Variants in ZNF407 observed in about 807,000 individuals in gnomAD.
The protein encoded by ZNF407 is zinc finger protein 407.
ZNF407 carries 17 observed loss-of-function variants against 131.2 expected under a neutral mutation model. The observed-to-expected ratio is 0.13, with a 90% confidence interval of 0.09 to 0.19. The LOEUF is 0.19. Ranked by LOEUF, ZNF407 falls within the 10% of genes least tolerant of loss-of-function variation. The pLI, the probability that ZNF407 is intolerant of heterozygous loss-of-function variation, is 1.00. For synonymous variants in ZNF407, 1,156 were observed against 1,062.0 expected (o/e 1.09, Z -1.72); for missense variants, 2,681 against 2,830.6 (o/e 0.95, Z 1.20).
intron 1 of ZNF407, among the ~76,000 whole-genome samples, chr18:74,625,415 C>T (rs1019636832): frequency 2.0e-5 from 3 of 151,842 alleles, no homozygotes; most frequent in East Asian, 3.9e-4. Context: ...TGTGTGTTCC[C>T]TTTATGTATT....
At chr18:74,627,576 C>T (rs1449508795) in intron 1 of ZNF407, among the ~76,000 whole-genome samples, 1 of 151,092 alleles carries the variant, frequency 6.6e-6, no homozygotes, top group Non-Finnish European at 1.5e-5. Flanking sequence ...AGTGGTCTGC[C>T]CACCTTGGCC....
chr18:75,063,447 G>A lies in ZNF407; in HGVS notation c.5726G>A (p.Gly1909Asp). ...CGGGTGGTGCATATCACGGAGGATG[G>A]CCAGGTCATCGCCACGAGTCAGAGC... ...VARVVHITED[G>D]QVIATSQSGA... The change falls in exon 9 of 9, where the codon GGC (glycine) becomes GAC (aspartate). Residue 1909 changes from glycine (G) to aspartate (D), a missense_variant. Physicochemically the swap from Gly to Asp is moderately conservative, Grantham distance 94 (BLOSUM62 -1). Coordinates refer to ENST00000299687, the MANE Select transcript of ZNF407 (RefSeq NM_017757.3). The surrounding 1 kb of genome is among the most constrained non-coding windows in gnomAD (Gnocchi z 6.6). 6.2e-7 allele frequency: 1 copy of A among 1,608,186 alleles called. No individual in the cohort carries two copies. The highest frequency in any genetic ancestry group is 8.5e-7 in the Non-Finnish European group (1 of 1,178,228).
intron 3 of ZNF407, among the ~76,000 whole-genome samples, chr18:74,654,242 T>C (rs765921656): frequency 6.6e-6 from 1 of 151,806 alleles, no homozygotes; most frequent in Non-Finnish European, 1.5e-5. Flanking sequence ...TATTTACCAG[T>C]AGGTATAGTT....
intron 3 of ZNF407, among the ~76,000 whole-genome samples, chr18:74,723,993 A>G (rs1968099268): frequency 6.6e-6 from 1 of 152,062 alleles, no homozygotes; most frequent in Non-Finnish European, 1.5e-5. Context: ...CCAGAAATGG[A>G]AAGTCTCTAG....
chr18:74,789,955 A>G (rs1228610798), intron 4 of ZNF407, among the ~76,000 whole-genome samples: 1 of 146,588 alleles, frequency 6.8e-6, no homozygotes, highest in Non-Finnish European at 1.5e-5. Context: ...TCATGTCTTT[A>G]TTTCAAGTCC....
chr18:74,743,403 T>C (rs1273514402), intron 3 of ZNF407, among the ~76,000 whole-genome samples: 1 of 152,136 alleles, frequency 6.6e-6, no homozygotes, highest in African/African-American at 2.4e-5. Context: ...ACAAGATGTC[T>C]CGATTCTTGC....
At chr18:74,886,712 G>A (rs1273608487) in intron 6 of ZNF407, among the ~76,000 whole-genome samples, 2 of 152,168 alleles carry the variant, frequency 1.3e-5, no homozygotes, top group African/African-American at 4.8e-5. Context: ...ATATAATAGT[G>A]ACAGAAAGCA....
chr18:74,916,428 TGC>T (rs1971764408), intron 7 of ZNF407, among the ~76,000 whole-genome samples: 3 of 142,808 alleles, frequency 2.1e-5, no homozygotes, highest in Non-Finnish European at 4.5e-5. Context: ...TGTGTGTGTG[TGC>T]ATGTGTGTGC....
intron 8 of ZNF407, among the ~76,000 whole-genome samples, chr18:75,025,695 G>A (rs1973163035): frequency 6.6e-6 from 1 of 152,202 alleles, no homozygotes; most frequent in African/African-American, 2.4e-5. Context: ...ACAAAGAGCT[G>A]CTTTTAAAAT....
chr18:74,812,769 G>A (rs554100747), intron 4 of ZNF407, among the ~76,000 whole-genome samples: 142 of 152,046 alleles, frequency 9.3e-4, no homozygotes, highest in African/African-American at 3.3e-3. Flanking sequence ...ATCTGTTCTC[G>A]TTGTTCCTTC....
At chr18:74,940,012 G>A (rs1972079069) in intron 8 of ZNF407, among the ~76,000 whole-genome samples, 1 of 152,148 alleles carries the variant, frequency 6.6e-6, no homozygotes, top group African/African-American at 2.4e-5. Context: ...GATTTCATGA[G>A]AATTAGCTTA....
At chr18:74,880,971 C>T (rs1340849158) in intron 5 of ZNF407, 65 bp from the exon 6 acceptor site, 11 of 1,382,140 alleles carry the variant, frequency 8.0e-6, no homozygotes, top group Non-Finnish European at 1.1e-5. Flanking sequence ...CCCTGAAAGC[C>T]TTGATAGATA....
chr18:74,980,460 C>A (rs997357797), intron 8 of ZNF407, among the ~76,000 whole-genome samples: 3 of 151,946 alleles, frequency 2.0e-5, no homozygotes, highest in African/African-American at 7.3e-5. Flanking sequence ...CCCACTACCA[C>A]GCCCGGCTAA....
At chr18:74,997,891 A>G (rs528432299) in intron 8 of ZNF407, among the ~76,000 whole-genome samples, 4 of 152,258 alleles carry the variant, frequency 2.6e-5, no homozygotes, top group South Asian at 4.1e-4. Flanking sequence ...TTTCTACTCA[A>G]TCTTAAATTG....
intron 3 of ZNF407, among the ~76,000 whole-genome samples, chr18:74,671,938 C>T (rs1170596639): frequency 2.0e-5 from 3 of 151,660 alleles, no homozygotes; most frequent in Non-Finnish European, 2.9e-5. Context: ...TAGATGTACA[C>T]GTTTTCTTTA....
intron 1 of ZNF407, among the ~76,000 whole-genome samples, chr18:74,618,780 T>C (rs1983412844): frequency 1.3e-5 from 2 of 152,182 alleles, no homozygotes; most frequent in South Asian, 4.1e-4. Flanking sequence ...ATTAACCTTA[T>C]TATACAAATG....
In ZNF407 at chr18:75,063,787, G is replaced by A. The variant is rs757867857; in HGVS notation, c.6066G>A (p.Gln2022=). ...CCGGCGCCAAAGACGTGCTGATCCA[G>A]CTGCCCGGGCAGGAGGTCTCCCATG... ...GRPGAKDVLI[Q]LPGQEVSHVA... The change falls in exon 9 of 9, where the codon CAG becomes CAA. Residue 2022 remains glutamine, a synonymous_variant. Coordinates refer to ENST00000299687, the MANE Select transcript of ZNF407 (RefSeq NM_017757.3). The surrounding 1 kb of genome is among the most constrained non-coding windows in gnomAD (Gnocchi z 6.6). 2.9e-5 allele frequency: 47 copies of A among 1,609,598 alleles called. No homozygotes were observed. The East Asian group carries it at 6.9e-4, about 24-fold the overall frequency.
rs143481748 is a variant in ZNF407, at chr18:74,695,871, A to G, written c.4802+54749A>G. Reference sequence around the variant, plus strand: ...GTTGGCATGCTTTACAAGCATTTAAAAGAAGAGATCTACATAAATATATTA... The same window carrying G: ...GTTGGCATGCTTTACAAGCATTTAAGAGAAGAGATCTACATAAATATATTA... On this transcript the variant is annotated intron_variant, in intron 3 of 8. Coordinates refer to ENST00000299687, the MANE Select transcript of ZNF407 (RefSeq NM_017757.3). Among the ~76,000 whole-genome samples, 8 of 151,278 alleles carry G rather than the reference A, an allele frequency of 5.3e-5. No homozygotes were observed. The East Asian group carries it at 1.4e-3, about 26-fold the overall frequency.
intron 2 of ZNF407, among the ~76,000 whole-genome samples, chr18:74,638,448 G>C (rs747346238): frequency 2.0e-5 from 3 of 152,120 alleles, no homozygotes; most frequent in Admixed American, 6.6e-5. Context: ...TTAGATGTTG[G>C]GTAATATACA....
Sources: allele counts gnomAD v4.1 joint callset (sites outside exome capture counted in the v4.1 genomes callset), GRCh38; gene constraint gnomAD v4.1.1; non-coding constraint Gnocchi (gnomAD v3.1); transcripts MANE v1.5; gene names NCBI Gene and HGNC (gene_info 2026-07-23, HGNC 2026-07-21).